Variants in CADPS2 observed in about 807,000 individuals in gnomAD.
CADPS2 encodes calcium-dependent secretion activator 2.
CADPS2 carries 93 observed loss-of-function variants against 172.5 expected under a neutral mutation model. The observed-to-expected ratio is 0.54, with a 90% CI of 0.46 to 0.64. CADPS2 has a LOEUF of 0.64. Among genes scored for constraint, CADPS2 ranks in the 30% least tolerant of loss-of-function variants. CADPS2 has a pLI of 0.00. For missense variants in CADPS2, 1,420 were observed against 1,565.9 expected (o/e 0.91, Z 1.57); for synonymous variants, 546 against 555.2 (o/e 0.98, Z 0.23).
chr7:122,412,853 A>G (rs1046085737), intron 19 of CADPS2: 4 of 152,260 alleles, frequency 2.6e-5, no homozygotes, highest in African/African-American at 9.7e-5. Flanking sequence ...AAGGAAGAGA[A>G]TGACAGAATG....
chr7:122,707,994 C>T lies in CADPS2; in HGVS notation c.453+28961G>A, dbSNP rs181864413. Among the ~76,000 whole-genome samples, 300 of 151,750 alleles carry T rather than the reference C, an allele frequency of 2.0e-3. 2 individuals carry two copies. Among genetic ancestry groups the T allele is most frequent in the Non-Finnish European group, 3.4e-3 (232 of 67,842 alleles). On this transcript the variant is annotated intron_variant, in intron 2 of 29. Coordinates refer to ENST00000449022, the MANE Select transcript of CADPS2 (RefSeq NM_017954.11). The stretch of plus-strand genomic sequence containing the variant: ...TGTTGTGTATATTTAATGTGTATAA[C>T]ATGATGCTGTAAGGTACACATATAT...
At chr7:122,534,749 C>T (rs1411976677) in intron 8 of CADPS2, among the ~76,000 whole-genome samples, 1 of 151,956 alleles carries the variant, frequency 6.6e-6, no homozygotes. Flanking sequence ...AAGATTTAAA[C>T]AGGAAAAAAG....
intron 2 of CADPS2, among the ~76,000 whole-genome samples, chr7:122,713,819 T>C (rs573360571): frequency 6.6e-6 from 1 of 152,210 alleles, no homozygotes; most frequent in Non-Finnish European, 1.5e-5. Flanking sequence ...TTACTTATTA[T>C]ACATTTTATA....
At chr7:122,440,392 G>A (rs2151955687) in intron 16 of CADPS2, 1 of 152,264 alleles carries the variant, frequency 6.6e-6, no homozygotes, top group African/African-American at 2.4e-5. Context: ...ATACCTTAAT[G>A]AATAGGATGA....
chr7:122,379,363 A>G lies in CADPS2; in HGVS notation c.3387+5T>C, dbSNP rs1362238947. ...ATTTAAAAAGGTGAATAAATAATACATTACCTTTGAAACTAACAGTGAAAT... is the reference window on the plus strand; with the variant it reads ...ATTTAAAAAGGTGAATAAATAATACGTTACCTTTGAAACTAACAGTGAAAT... On this transcript the variant is annotated splice_donor_5th_base_variant and intron_variant, in intron 25 of 29. Coordinates refer to ENST00000449022, the MANE Select transcript of CADPS2 (RefSeq NM_017954.11). The G allele has an allele frequency of 8.3e-6, 13 of 1,562,504 alleles. No homozygotes were observed. Among genetic ancestry groups the G allele is most frequent in the Non-Finnish European group, 1.1e-5 (13 of 1,139,724 alleles).
In CADPS2 at chr7:122,818,968, C is replaced by T. The variant is rs537841777; in HGVS notation, c.339+67031G>A. ...TACATTTTATTACCCAATCTGCTCC[C>T]GACATTAAATAAAACTCCAAAAATT... On this transcript the variant is annotated intron_variant, in intron 1 of 29. Coordinates refer to ENST00000449022, the MANE Select transcript of CADPS2 (RefSeq NM_017954.11). Among the ~76,000 whole-genome samples, 974 of 152,202 alleles carry T rather than the reference C, an allele frequency of 6.4e-3. 12 individuals are homozygous for T. The highest frequency in any genetic ancestry group is 0.022 in the African/African-American group (929 of 41,500).
At chr7:122,397,063 T>C (rs1585604406) in intron 20 of CADPS2, among the ~76,000 whole-genome samples, 1 of 152,320 alleles carries the variant, frequency 6.6e-6, no homozygotes, top group East Asian at 1.9e-4. Context: ...ATAAGTTCTA[T>C]TTTTAACCCA....
At chr7:122,808,342 A>G (rs1017714696) in intron 1 of CADPS2, among the ~76,000 whole-genome samples, 9 of 152,236 alleles carry the variant, frequency 5.9e-5, no homozygotes, top group Non-Finnish European at 1.5e-5. Context: ...TAAGAAAGTA[A>G]AATGTGGTTT....
At chr7:122,776,479 T>C (rs1275143403) in intron 1 of CADPS2, among the ~76,000 whole-genome samples, 1 of 151,420 alleles carries the variant, frequency 6.6e-6, no homozygotes, top group Non-Finnish European at 1.5e-5. Context: ...TAGAGTGGGG[T>C]ACTGCTATAA....
intron 1 of CADPS2, among the ~76,000 whole-genome samples, chr7:122,762,800 G>A (rs986146629): frequency 1.3e-5 from 2 of 152,010 alleles, no homozygotes; most frequent in African/African-American, 4.8e-5. Flanking sequence ...TGTCTCAAAT[G>A]GCACATTTGC....
chr7:122,554,327 C>T (rs147907913), intron 8 of CADPS2, among the ~76,000 whole-genome samples: 5 of 152,056 alleles, frequency 3.3e-5, no homozygotes, highest in African/African-American at 1.2e-4. Flanking sequence ...GTTCCAATAT[C>T]GTGGTAGCTC....
At chr7:122,716,970 T>C (rs530215400) in intron 2 of CADPS2, among the ~76,000 whole-genome samples, 1 of 152,278 alleles carries the variant, frequency 6.6e-6, no homozygotes, top group African/African-American at 2.4e-5. Context: ...ATTTCAAATG[T>C]TGACAAACTC....
chr7:122,794,017 T>C (rs1795839838), intron 1 of CADPS2, among the ~76,000 whole-genome samples: 1 of 152,132 alleles, frequency 6.6e-6, no homozygotes, highest in South Asian at 2.1e-4. Context: ...GACGGGCTTC[T>C]CTTTGTAGGC....
At position 122,875,668 on chromosome 7, in the gene CADPS2, T is replaced by C. The variant is rs190757825; in HGVS notation, c.339+10331A>G. Among the ~76,000 whole-genome samples, 761 of 152,234 alleles carry C rather than the reference T, an allele frequency of 5.0e-3. 9 individuals are homozygous for C. The highest frequency in any genetic ancestry group is 0.013 in the Admixed American group (192 of 15,306). On this transcript the variant is annotated intron_variant, in intron 1 of 29. Coordinates refer to ENST00000449022, the MANE Select transcript of CADPS2 (RefSeq NM_017954.11). ...AGAAAACAAATTTTTCAACTGCAAT[T>C]TCTAAATTACTCTTCTGATTAAATA...
rs28415980 is a variant in CADPS2, at chr7:122,588,805, T to C, written c.1224-7515A>G. Among the ~76,000 whole-genome samples the C allele has an allele frequency of 8.4e-3, 1,272 of 152,052 alleles. 16 individuals carry two copies. The highest frequency in any genetic ancestry group is 0.029 in the African/African-American group (1,219 of 41,526). On this transcript the variant is annotated intron_variant, in intron 6 of 29. Coordinates refer to ENST00000449022, the MANE Select transcript of CADPS2 (RefSeq NM_017954.11). ...ATGAGTAAGGACTGTGTTATTTTCA[T>C]TGACTCATATTTGGTGAGAAGGTAG...
chr7:122,523,070 C>CT (rs1198318607), intron 8 of CADPS2, among the ~76,000 whole-genome samples: 3 of 152,004 alleles, frequency 2.0e-5, no homozygotes, highest in Non-Finnish European at 4.4e-5. Context: ...ATTTCTGTTT[C>CT]TTTTTTAATA....
intron 3 of CADPS2, among the ~76,000 whole-genome samples, chr7:122,640,082 G>A (rs1030063768): frequency 3.3e-5 from 5 of 152,146 alleles, no homozygotes; most frequent in South Asian, 4.1e-4. Flanking sequence ...GAGTAATGCC[G>A]TGTGATAAAT....
chr7:122,861,822 A>G (rs543286707), intron 1 of CADPS2, among the ~76,000 whole-genome samples: 1 of 152,370 alleles, frequency 6.6e-6, no homozygotes, highest in African/African-American at 2.4e-5. Flanking sequence ...TCAAAACAAA[A>G]TAAAACATAT....
At chr7:122,832,842 G>A (rs1018191523) in intron 1 of CADPS2, among the ~76,000 whole-genome samples, 1 of 152,150 alleles carries the variant, frequency 6.6e-6, no homozygotes, top group Non-Finnish European at 1.5e-5. Context: ...ATGAAATGAA[G>A]CAATTTTTAT....
Sources: gnomAD v4.1 joint callset for allele counts (sites outside exome capture counted in the v4.1 genomes callset) on GRCh38, gnomAD v4.1.1 for gene constraint, MANE v1.5 for transcripts, NCBI Gene and HGNC (gene_info 2026-07-23, HGNC 2026-07-21) for gene names.